The following EXOC6B variants were observed in gnomAD, a reference collection of about 807,000 sequenced individuals.
EXOC6B encodes exocyst complex component 6B.
Under a neutral mutation model 113.5 loss-of-function variants are expected in EXOC6B, and 54 were observed. The observed-to-expected ratio is 0.48, with a 90% CI of 0.38 to 0.60. The LOEUF (loss-of-function observed/expected upper bound fraction) is 0.60, where lower values mean the gene tolerates loss of function less well. Among genes scored for constraint, EXOC6B ranks in the 20% least tolerant of loss-of-function variants. EXOC6B has a pLI of 0.00. For synonymous variants in EXOC6B, 357 were observed against 339.0 expected (o/e 1.05, Z -0.58); for missense variants, 797 against 977.5 (o/e 0.82, Z 2.46).
chr2:72,572,496 G>C (rs1163387147), intron 7 of EXOC6B, among the ~76,000 whole-genome samples: 1 of 152,072 alleles, frequency 6.6e-6, no homozygotes, highest in Non-Finnish European at 1.5e-5. Flanking sequence ...CGTTTTACTG[G>C]GAAATGACTC....
intron 6 of EXOC6B, among the ~76,000 whole-genome samples, chr2:72,632,868 G>A (rs1402483606): frequency 6.6e-6 from 1 of 151,898 alleles, no homozygotes; most frequent in Non-Finnish European, 1.5e-5. Flanking sequence ...ATTTGATAGA[G>A]TTTGAGTCTC....
At chr2:72,595,982 A>T (rs2103966902) in intron 6 of EXOC6B, among the ~76,000 whole-genome samples, 1 of 152,290 alleles carries the variant, frequency 6.6e-6, no homozygotes, top group Admixed American at 6.5e-5. Context: ...AAGTCAAAAG[A>T]AGCATACCGC....
At chr2:72,670,422 A>G (rs1416328994) in intron 6 of EXOC6B, among the ~76,000 whole-genome samples, 2 of 152,200 alleles carry the variant, frequency 1.3e-5, no homozygotes, top group Non-Finnish European at 2.9e-5. Flanking sequence ...AATTGAACCA[A>G]TAAGTTAGAC....
intron 1 of EXOC6B, among the ~76,000 whole-genome samples, chr2:72,767,237 C>G (rs1683120557): frequency 6.6e-6 from 1 of 151,954 alleles, no homozygotes; most frequent in African/African-American, 2.4e-5. Context: ...CGAGACAAGA[C>G]TAGGCAACAT....
intron 18 of EXOC6B, among the ~76,000 whole-genome samples, chr2:72,439,042 G>A (rs1696042859): frequency 6.6e-6 from 1 of 152,160 alleles, no homozygotes; most frequent in Non-Finnish European, 1.5e-5. Flanking sequence ...CTGCTGCTTA[G>A]AAGCTGTTAC....
chr2:72,779,125 T>A (rs1023058791), intron 1 of EXOC6B, among the ~76,000 whole-genome samples: 1 of 151,976 alleles, frequency 6.6e-6, no homozygotes, highest in East Asian at 1.9e-4. Context: ...ACTACACCCA[T>A]GATACAGGGT....
At chr2:72,381,673 T>C (rs1691683527) in intron 18 of EXOC6B, among the ~76,000 whole-genome samples, 1 of 152,210 alleles carries the variant, frequency 6.6e-6, no homozygotes. Context: ...ATAATGCATA[T>C]GCTTATATGT....
At chr2:72,371,688 A>T (rs1691029156) in intron 19 of EXOC6B, among the ~76,000 whole-genome samples, 1 of 152,170 alleles carries the variant, frequency 6.6e-6, no homozygotes, top group Non-Finnish European at 1.5e-5. Flanking sequence ...ACCTCAACAA[A>T]ATAAAAGGCA....
intron 20 of EXOC6B, among the ~76,000 whole-genome samples, chr2:72,261,398 T>C (rs1258828054): frequency 4.6e-5 from 7 of 152,202 alleles, no homozygotes; most frequent in African/African-American, 1.7e-4. Flanking sequence ...AAAGTACAGA[T>C]CTTTTAGAAT....
chr2:72,808,903 CTAT>C, intron 1 of EXOC6B, among the ~76,000 whole-genome samples: 1 of 152,096 alleles, frequency 6.6e-6, no homozygotes. Flanking sequence ...AACCCTGCCT[CTAT>C]AAAAGATAAA....
intron 20 of EXOC6B, among the ~76,000 whole-genome samples, chr2:72,246,383 G>A (rs1682658781): frequency 6.6e-6 from 1 of 152,146 alleles, no homozygotes; most frequent in African/African-American, 2.4e-5. Flanking sequence ...CATGAGGGGA[G>A]GACCTATAGT....
intron 6 of EXOC6B, among the ~76,000 whole-genome samples, chr2:72,651,724 T>C (rs1367475155): frequency 3.3e-5 from 5 of 152,090 alleles, no homozygotes; most frequent in Admixed American, 3.3e-4. Context: ...GCCTCCCGAG[T>C]AGCTGGGACT....
intron 20 of EXOC6B, among the ~76,000 whole-genome samples, chr2:72,224,994 G>GTGTGTA (rs908047817): frequency 6.6e-5 from 9 of 137,300 alleles, no homozygotes; most frequent in South Asian, 2.3e-4. Context: ...GTGTGTGTGT[G>GTGTGTA]TATATATATA....
At chr2:72,672,425 T>C (rs1186765664) in intron 6 of EXOC6B, among the ~76,000 whole-genome samples, 2 of 150,788 alleles carry the variant, frequency 1.3e-5, no homozygotes, top group Non-Finnish European at 3.0e-5. Flanking sequence ...GGTCAGGACA[T>C]CGAGACCATC....
chr2:72,605,922 T>C (rs1670726507), intron 6 of EXOC6B, among the ~76,000 whole-genome samples: 1 of 152,174 alleles, frequency 6.6e-6, no homozygotes, highest in Non-Finnish European at 1.5e-5. Flanking sequence ...GTGTGACATA[T>C]CATATAATAT....
At chr2:72,744,996 G>A (rs1681602754) in intron 1 of EXOC6B, among the ~76,000 whole-genome samples, 1 of 152,016 alleles carries the variant, frequency 6.6e-6, no homozygotes, top group Admixed American at 6.6e-5. Flanking sequence ...TAATCTCTCC[G>A]ACCCTCAACT....
intron 6 of EXOC6B, among the ~76,000 whole-genome samples, chr2:72,641,908 T>C (rs1673274599): frequency 6.6e-6 from 1 of 152,264 alleles, no homozygotes; most frequent in Non-Finnish European, 1.5e-5. Flanking sequence ...CAGTATTTGC[T>C]GCTCTGCAGC....
At chr2:72,591,433 G>C (rs1705951615) in intron 6 of EXOC6B, among the ~76,000 whole-genome samples, 1 of 151,978 alleles carries the variant, frequency 6.6e-6, no homozygotes, top group Non-Finnish European at 1.5e-5. Flanking sequence ...ATAACCCTTT[G>C]AATGGCATCA....
chr2:72,781,760 TTGGTCAAAACAAATCACA>T (rs1417488797), intron 1 of EXOC6B, among the ~76,000 whole-genome samples: 1 of 151,956 alleles, frequency 6.6e-6, no homozygotes, highest in Non-Finnish European at 1.5e-5. Flanking sequence ...TCATATATGA[TTGGTCAAAACAAATCACA>T]TGGCCACAAC....
Sources: allele counts gnomAD v4.1 joint callset (sites outside exome capture counted in the v4.1 genomes callset), GRCh38; gene constraint gnomAD v4.1.1; transcripts MANE v1.5; gene names NCBI Gene and HGNC (gene_info 2026-07-23, HGNC 2026-07-21).